Variants in ARHGEF4 observed in about 807,000 individuals in gnomAD.
ARHGEF4 encodes the protein APC-stimulated guanine nucleotide exchange factor 1.
Under a neutral mutation model 162.0 loss-of-function variants are expected in ARHGEF4, and 119 were observed. That is an observed-to-expected ratio of 0.73 (90% CI 0.63 to 0.86). The LOEUF (loss-of-function observed/expected upper bound fraction) is 0.86. ARHGEF4 is among the 40% of genes least tolerant of loss of function. The probability of loss-of-function intolerance (pLI) is 0.00; values close to 1 mark genes in which losing one functional copy is unlikely to be tolerated. For synonymous variants in ARHGEF4, 1,014 were observed against 979.9 expected (o/e 1.03, Z -0.65); for missense variants, 2,488 against 2,456.0 (o/e 1.01, Z -0.28).
intron 1 of ARHGEF4, among the ~76,000 whole-genome samples, chr2:130,892,558 G>A (rs1158410497): frequency 6.6e-6 from 1 of 152,192 alleles, no homozygotes; most frequent in Admixed American, 6.5e-5. Flanking sequence ...GCCTGCGCCT[G>A]AAGTGTAAAA....
At chr2:130,955,260 C>A (rs1249120119) in intron 4 of ARHGEF4, among the ~76,000 whole-genome samples, 1 of 152,104 alleles carries the variant, frequency 6.6e-6, no homozygotes, top group African/African-American at 2.4e-5. Flanking sequence ...CTTGATAAAT[C>A]TGATATGTAG....
chr2:130,931,291 G>C (rs755789541), intron 3 of ARHGEF4, 34 bp downstream of exon 3: 1 of 1,551,952 alleles, frequency 6.4e-7, no homozygotes, highest in East Asian at 2.3e-5. Context: ...CCTCAGACTT[G>C]GTCTGGTATC....
At chr2:130,853,843 G>A (rs187561189) in intron 1 of ARHGEF4, among the ~76,000 whole-genome samples, 5 of 152,186 alleles carry the variant, frequency 3.3e-5, no homozygotes, top group African/African-American at 9.7e-5. Context: ...GAGGTGAGCC[G>A]GAGGATGCAG....
At chr2:131,020,891 G>A (rs1689081413) in intron 4 of ARHGEF4, among the ~76,000 whole-genome samples, 1 of 152,138 alleles carries the variant, frequency 6.6e-6, no homozygotes, top group Non-Finnish European at 1.5e-5. Context: ...ATTCTAACTG[G>A]TGTGAGATGG....
chr2:130,948,794 A>G (rs769927260), intron 4 of ARHGEF4, among the ~76,000 whole-genome samples: 4 of 152,200 alleles, frequency 2.6e-5, no homozygotes, highest in Admixed American at 1.3e-4. Flanking sequence ...GAAATTCTGC[A>G]AGAAAGTAAT....
intron 1 of ARHGEF4, among the ~76,000 whole-genome samples, chr2:130,908,486 C>A (rs1319824118): frequency 6.6e-6 from 1 of 152,056 alleles, no homozygotes; most frequent in African/African-American, 2.4e-5. Flanking sequence ...ACCAGCCTGG[C>A]CAACATAGTG....
chr2:130,972,745 T>G (rs531495714), intron 4 of ARHGEF4, among the ~76,000 whole-genome samples: 19 of 152,316 alleles, frequency 1.2e-4, no homozygotes, highest in African/African-American at 4.6e-4. Flanking sequence ...CTGATAATTT[T>G]CAAAAGTGAA....
intron 4 of ARHGEF4, among the ~76,000 whole-genome samples, chr2:130,982,683 C>G (rs1686209810): frequency 6.7e-6 from 1 of 150,264 alleles, no homozygotes; most frequent in African/African-American, 2.4e-5. Flanking sequence ...CTTTCTCATA[C>G]AAAATTAGCT....
At chr2:130,854,621 G>A (rs1681630132) in intron 1 of ARHGEF4, among the ~76,000 whole-genome samples, 1 of 152,206 alleles carries the variant, frequency 6.6e-6, no homozygotes, top group East Asian at 1.9e-4. Flanking sequence ...TCCAAGCACA[G>A]CAGGCTGGCC....
At position 130,988,901 on chromosome 2, in the gene ARHGEF4, T is replaced by TATAGAG. The variant is rs1469212068; in HGVS notation, c.3986-39043_3986-39042insTAGAGA. On this transcript the variant is annotated intron_variant, in intron 4 of 13. Transcript: ENST00000409359. ...ATATATATATATATATATATATATA[T>TATAGAG]AGAGAGAGAGAGAGAGAGAGAGAGA... 3.1e-3 allele frequency among the ~76,000 whole-genome samples: 348 copies of TATAGAG among 113,328 alleles called. 2 individuals carry two copies. Among genetic ancestry groups the TATAGAG allele is most frequent in the South Asian group, 4.5e-3 (13 of 2,868 alleles). The allele number at this position is 113,328 out of a possible 152,430, so 74.3% of individuals were successfully genotyped here.
chr2:130,842,304 G>A (rs956921575), intron 1 of ARHGEF4, among the ~76,000 whole-genome samples: 3 of 152,182 alleles, frequency 2.0e-5, no homozygotes, highest in Admixed American at 1.3e-4. Flanking sequence ...TACCCTGACT[G>A]TCACTCAAGG....
intron 3 of ARHGEF4, among the ~76,000 whole-genome samples, chr2:130,940,561 C>G (rs1487212833): frequency 1.3e-5 from 2 of 151,232 alleles, no homozygotes; most frequent in African/African-American, 2.4e-5. Flanking sequence ...ATGGAGTAGG[C>G]CGGGCGCGGT....
rs542927155 is a variant in ARHGEF4, at chr2:131,022,554, G to A, written c.3986-5391G>A. 2.6e-5 allele frequency among the ~76,000 whole-genome samples: 4 copies of A among 151,778 alleles called. No homozygotes were observed. In the South Asian group the frequency reaches 8.3e-4, roughly 32 times the overall value. ...TTTTACAAAGGTACAAAAGCAATTC[G>A]GTGGAGAAATGATATTCTTTTCACA... On this transcript the variant is annotated intron_variant, in intron 4 of 13. Coordinates refer to ENST00000409359, the MANE Select transcript of ARHGEF4 (RefSeq NM_001367493.1).
At chr2:130,942,026 T>C (rs1162568893) in intron 3 of ARHGEF4, among the ~76,000 whole-genome samples, 1 of 152,138 alleles carries the variant, frequency 6.6e-6, no homozygotes, top group Non-Finnish European at 1.5e-5. Context: ...GATTCTTTGA[T>C]TGTAAAAGGT....
rs139495506 is a variant in ARHGEF4 at position 131,004,494 on chromosome 2, T to G, written c.3986-23451T>G. ...CTGTTTTTTAAACCACATTCGGAAGTATTTCACTCCCTAATTGTCTTTTCC... is the reference window on the plus strand; with the variant it reads ...CTGTTTTTTAAACCACATTCGGAAGGATTTCACTCCCTAATTGTCTTTTCC... On this transcript the variant is annotated intron_variant, in intron 4 of 13. Coordinates refer to ENST00000409359, the MANE Select transcript of ARHGEF4 (RefSeq NM_001367493.1). 6.1e-3 allele frequency among the ~76,000 whole-genome samples: 929 copies of G among 152,250 alleles called. 3 individuals are homozygous for G. The highest frequency in any genetic ancestry group is 0.01 in the Non-Finnish European group (701 of 68,020).
At chr2:130,872,970 G>T (rs1398123678) in intron 1 of ARHGEF4, among the ~76,000 whole-genome samples, 1 of 152,070 alleles carries the variant, frequency 6.6e-6, no homozygotes, top group African/African-American at 2.4e-5. Flanking sequence ...TGGGGTGTTC[G>T]CCTGTGGAGC....
chr2:130,974,107 T>TAA (rs750848622), intron 4 of ARHGEF4, among the ~76,000 whole-genome samples: 4 of 134,984 alleles, frequency 3.0e-5, no homozygotes, highest in Non-Finnish European at 3.2e-5. Context: ...TTGTCTCTAC[T>TAA]AAAAAAAAAA....
chr2:130,888,152 T>C (rs1442362819), intron 1 of ARHGEF4, among the ~76,000 whole-genome samples: 1 of 152,170 alleles, frequency 6.6e-6, no homozygotes, highest in Admixed American at 6.5e-5. Flanking sequence ...CTTTATTTTC[T>C]ATTTTTCTAT....
At chr2:130,869,772 A>G (rs1678333967) in intron 1 of ARHGEF4, among the ~76,000 whole-genome samples, 1 of 152,198 alleles carries the variant, frequency 6.6e-6, no homozygotes, top group Non-Finnish European at 1.5e-5. Flanking sequence ...CAGCTAGGGA[A>G]CGGCCGCCTC....
Sources: gnomAD v4.1 joint callset for allele counts (sites outside exome capture counted in the v4.1 genomes callset) on GRCh38, gnomAD v4.1.1 for gene constraint, MANE v1.5 for transcripts, NCBI Gene and HGNC (gene_info 2026-07-23, HGNC 2026-07-21) for gene names.